The following HPS3 variants were observed in gnomAD, a reference collection of about 807,000 sequenced individuals.
HPS3 encodes HPS3 biogenesis of lysosomal organelles complex 2 subunit 1.
HPS3 carries 79 observed loss-of-function variants against 110.9 expected under a neutral mutation model. The ratio of observed to expected loss-of-function variants is 0.71; its 90% CI spans 0.59 to 0.86. HPS3 has a LOEUF of 0.86. Among genes scored for constraint, HPS3 ranks in the 40% least tolerant of loss-of-function variants. HPS3 has a pLI of 0.00. For missense variants in HPS3, 1,197 were observed against 1,206.2 expected (o/e 0.99, Z 0.11); for synonymous variants, 428 against 451.0 (o/e 0.95, Z 0.65).
intron 16 of HPS3, 98 bp from the exon 17 acceptor site, chr3:149,171,996 CG>C: frequency 8.2e-7 from 1 of 1,224,354 alleles, no homozygotes; most frequent in South Asian, 1.2e-5. Flanking sequence ...TGAGCCACCA[CG>C]CCTGGCCTGA....
Position 149,129,927 on chromosome 3 carries a change from C to G in HPS3, c.204C>G (p.Ala68=). ...FSTLGRVLRL[A]YSEAGDYLVA... The stretch of plus-strand genomic sequence containing the variant: ...CGCTGGGCCGGGTGTTGCGCCTGGC[C>G]TACAGCGAGGCTGGTGAGTAATCTA... The change falls in exon 1 of 17, where the codon GCC becomes GCG. Residue 68 remains alanine (A), a synonymous_variant. Coordinates refer to ENST00000296051, the MANE Select transcript of HPS3 (RefSeq NM_032383.5). 1 of 1,550,934 alleles carries G rather than the reference C, an allele frequency of 6.4e-7. No individual in the cohort carries two copies. Among genetic ancestry groups the G allele is most frequent in the Non-Finnish European group, 8.7e-7 (1 of 1,155,032 alleles).
chr3:149,138,830 A>T (rs946558899), intron 1 of HPS3, among the ~76,000 whole-genome samples: 7 of 152,258 alleles, frequency 4.6e-5, no homozygotes, highest in Admixed American at 3.3e-4. Flanking sequence ...AATGTAAATT[A>T]TAATAGCCGT....
rs1257111900 is a variant in HPS3 at position 149,140,643 on chromosome 3, T to G, written c.712+145T>G. ...TCCTATTTCATGGGATTTGGTTTTA[T>G]GATCTGGCTGTCCATAGCTTACTCT... On this transcript the variant is annotated intron_variant, in intron 2 of 16. Coordinates refer to ENST00000296051, the MANE Select transcript of HPS3 (RefSeq NM_032383.5). The G allele has an allele frequency of 4.6e-6, 4 of 875,264 alleles. No homozygotes were observed. In the Admixed American group the frequency reaches 7.4e-5, roughly 16 times the overall value. The allele number at this position is 875,264 out of a possible 1,614,324, so 54.2% of individuals were successfully genotyped here. A position where few individuals can be genotyped will look rare whatever the true frequency, so the allele number is the denominator to read the frequency against.
chr3:149,134,838 C>CA (rs1721992662), intron 1 of HPS3, among the ~76,000 whole-genome samples: 1 of 152,178 alleles, frequency 6.6e-6, no homozygotes, highest in African/African-American at 2.4e-5. Flanking sequence ...TCATGTAGCT[C>CA]AAGGGTAAGT....
chr3:149,155,423 A>G (rs1243855291), intron 8 of HPS3, among the ~76,000 whole-genome samples: 1 of 152,198 alleles, frequency 6.6e-6, no homozygotes, highest in African/African-American at 2.4e-5. Context: ...CTTCACTAGC[A>G]TAAGACTCCC....
chr3:149,142,904 G>A (rs1722565745), intron 4 of HPS3, among the ~76,000 whole-genome samples: 1 of 152,176 alleles, frequency 6.6e-6, no homozygotes, highest in South Asian at 2.1e-4. Context: ...GGCTTCCTGA[G>A]AAAGAGGATC....
chr3:149,147,961 C>T (rs555050409), intron 5 of HPS3, among the ~76,000 whole-genome samples: 7 of 152,204 alleles, frequency 4.6e-5, no homozygotes, highest in African/African-American at 1.7e-4. Flanking sequence ...ACCTCTGCCT[C>T]CCGGGTTTAA....
In HPS3 at chr3:149,139,904, G is replaced by A. The variant is rs1348160006; in HGVS notation, c.218-100G>A. On this transcript the variant is annotated intron_variant, in intron 1 of 16. Transcript: ENST00000296051. ...TTTTATTCTATTCAGTCTTTAATTC[G>A]ACCATTTGTGTTAGAATTCATTAAT... 6.2e-6 allele frequency: 7 copies of A among 1,120,722 alleles called. No homozygotes were observed. In the East Asian group the frequency reaches 1.2e-4, roughly 19 times the overall value. 69.4% of individuals were successfully genotyped at this position (1,120,722 alleles called of 1,614,324 possible). A position where few individuals can be genotyped will look rare whatever the true frequency, so the allele number is the denominator to read the frequency against.
At chr3:149,159,108 C>G (rs923977601) in intron 10 of HPS3, among the ~76,000 whole-genome samples, 14 of 152,188 alleles carry the variant, frequency 9.2e-5, no homozygotes, top group African/African-American at 3.4e-4. Flanking sequence ...TGCCCAGTGA[C>G]AGTAGCATGT....
At chr3:149,155,402 G>A (rs1401859904) in intron 8 of HPS3, among the ~76,000 whole-genome samples, 187 bp downstream of exon 8, 1 of 152,144 alleles carries the variant, frequency 6.6e-6, no homozygotes, top group African/African-American at 2.4e-5. Context: ...CGAGGAACCA[G>A]TAGAAATTCC....
Position 149,163,843 on chromosome 3 carries a change from T to G in HPS3, c.2483T>G (p.Ile828Arg), listed in dbSNP as rs770550121. Reference sequence around the variant, plus strand: ...ATGAGAAATTCTTTTATGTTTTAGATAAATGCCTGTAGTCATTATGGCTTA... The same window carrying G: ...ATGAGAAATTCTTTTATGTTTTAGAGAAATGCCTGTAGTCATTATGGCTTA... The part of the protein sequence containing the change: ...TTPLRTSEDL[I>R]NACSHYGLIY... Residue 828 changes from isoleucine to arginine, a missense_variant and splice_region_variant, in exon 14 of 17, where the codon ATA becomes AGA. Coordinates refer to ENST00000296051, the MANE Select transcript of HPS3 (RefSeq NM_032383.5). 1 of 1,485,794 alleles carries G rather than the reference T, an allele frequency of 6.7e-7. No homozygotes were observed. The highest frequency in any genetic ancestry group is 1.1e-5 in the South Asian group (1 of 88,196). The allele number at this position is 1,485,794 out of a possible 1,614,324, so 92.0% of individuals were successfully genotyped here.
chr3:149,160,438 C>G (rs1038635878), intron 11 of HPS3, among the ~76,000 whole-genome samples, 159 bp downstream of exon 11: 1 of 152,172 alleles, frequency 6.6e-6, no homozygotes, highest in Admixed American at 6.5e-5. Flanking sequence ...GACTTCGGAT[C>G]TGGCAAATGA....
intron 1 of HPS3, chr3:149,130,404 T>C (rs1405337277): frequency 6.0e-6 from 1 of 166,828 alleles, no homozygotes; most frequent in African/African-American, 2.4e-5. Flanking sequence ...CTCCATCTAC[T>C]TCCGGTCGGT....
In HPS3 at chr3:149,162,734, A is replaced by G. The variant is rs777957241; in HGVS notation, c.2337A>G (p.Val779=). 6.2e-7 allele frequency: 1 copy of G among 1,614,050 alleles called. No homozygotes were observed. The highest frequency in any genetic ancestry group is 1.1e-5 in the South Asian group (1 of 91,082). The change falls in exon 13 of 17, where the codon GTA becomes GTG. Residue 779 remains valine, a synonymous_variant. Coordinates refer to ENST00000296051, the MANE Select transcript of HPS3 (RefSeq NM_032383.5). ...KDEDTIPQLL[V]DFWEAQLVAC... is the part of the protein sequence containing the mutation. ...AAGATACAATTCCTCAGCTCTTGGT[A>G]GACTTTTGGGAAGCTCAGCTAGTGG...
intron 4 of HPS3, 29 bp downstream of exon 4, chr3:149,141,409 G>GT: frequency 6.5e-7 from 1 of 1,546,306 alleles, no homozygotes; most frequent in Non-Finnish European, 8.9e-7. Flanking sequence ...GAGTGCGACA[G>GT]TGCAGCAAGG....
intron 6 of HPS3, 110 bp downstream of exon 6, chr3:149,150,790 G>A (rs1304159259): frequency 4.7e-6 from 4 of 842,858 alleles, no homozygotes; most frequent in South Asian, 2.7e-5. Flanking sequence ...AGAGCTTAAG[G>A]TTGTCTAATG....
Position 149,173,646 on chromosome 3 carries a change from A to ACAG in HPS3, c.*1425_*1426insAGC. Reference sequence around the variant, plus strand: ...ATTCCAAAGTAACATTCTATTTTACACTTTCACATACATTGTTATGAATCA... The same window carrying ACAG: ...ATTCCAAAGTAACATTCTATTTTACACAGCTTTCACATACATTGTTATGAATCA... On this transcript the variant is annotated 3_prime_UTR_variant, in exon 17 of 17. Transcript: ENST00000296051. 1.0e-6 allele frequency: 1 copy of ACAG among 1,002,804 alleles called. No individual in the cohort carries two copies. The highest frequency in any genetic ancestry group is 1.5e-5 in the South Asian group (1 of 68,102). The allele number at this position is 1,002,804 out of a possible 1,614,324, so 62.1% of individuals were successfully genotyped here. A position where few individuals can be genotyped will look rare whatever the true frequency, so the allele number is the denominator to read the frequency against.
chr3:149,162,280 G>C lies in HPS3; in HGVS notation c.2239G>C (p.Gly747Arg). 6.2e-7 allele frequency: 1 copy of C among 1,613,922 alleles called. No individual in the cohort carries two copies. Among genetic ancestry groups the C allele is most frequent in the Non-Finnish European group, 8.5e-7 (1 of 1,179,936 alleles). Residue 747 changes from glycine to arginine, a missense_variant, in exon 12 of 17, where the codon GGC becomes CGC. Gly to Arg is a moderately radical substitution (Grantham distance 125). Transcript: ENST00000296051. ...TGGATTGCTTGTGGCTTCAGTTCTG[G>C]GCTTGCAGAAGAACAACAAAATTGG... ...QPGLLVASVL[G>R]LQKNNKIGIE...
In HPS3 at chr3:149,155,100, C is replaced by G. The variant is rs892055655; in HGVS notation, c.1401-7C>G. ...TTTAAAATTCTTGTCCTTTGTTTTG[C>G]TTTTAGTTCGAGAAAAGATACCAGT... is the stretch of plus-strand genomic sequence containing the variant. On this transcript the variant is annotated splice_polypyrimidine_tract_variant and splice_region_variant and intron_variant, in intron 7 of 16. Transcript: ENST00000296051. 1.3e-6 allele frequency: 2 copies of G among 1,503,436 alleles called. No individual in the cohort carries two copies. The highest frequency in any genetic ancestry group is 2.3e-5 in the South Asian group (2 of 88,706). 93.1% of individuals were successfully genotyped at this position (1,503,436 alleles called of 1,614,324 possible).
Sources: allele counts gnomAD v4.1 joint callset (sites outside exome capture counted in the v4.1 genomes callset), GRCh38; gene constraint gnomAD v4.1.1; transcripts MANE v1.5; gene names NCBI Gene and HGNC (gene_info 2026-07-23, HGNC 2026-07-21).